Variants in EPB41L4B observed in about 807,000 individuals in gnomAD.
EPB41L4B encodes the protein erythrocyte membrane protein band 4.1 like 4B.
In EPB41L4B, 30 loss-of-function variants were observed where a neutral mutation model predicts 112.5. The observed-to-expected ratio is 0.27, with a 90% confidence interval of 0.20 to 0.36. The LOEUF is 0.36. EPB41L4B is among the 10% of genes least tolerant of loss of function. EPB41L4B has a pLI of 1.00. For synonymous variants in EPB41L4B, 408 were observed against 439.7 expected, an observed-to-expected ratio of 0.93 and a Z score of 0.90; for missense variants, 1,024 against 1,133.3, an observed-to-expected ratio of 0.90 and a Z score of 1.38.
chr9:109,212,178 T>C (rs1259688650), intron 17 of EPB41L4B, among the ~76,000 whole-genome samples: 1 of 152,186 alleles, frequency 6.6e-6, no homozygotes, highest in African/African-American at 2.4e-5. Context: ...ACTATAGAGC[T>C]TGTGAGTTCT....
intron 1 of EPB41L4B, among the ~76,000 whole-genome samples, chr9:109,285,918 G>A (rs375048197): frequency 2.5e-3 from 380 of 152,144 alleles, no homozygotes; most frequent in Non-Finnish European, 4.6e-3. Context: ...CAGCATTCCC[G>A]TAAGCAGGTG....
chr9:109,205,535 C>T (rs1041051620), intron 18 of EPB41L4B, among the ~76,000 whole-genome samples: 1 of 152,100 alleles, frequency 6.6e-6, no homozygotes, highest in African/African-American at 2.4e-5. Flanking sequence ...AAATGGCATA[C>T]CTGAAATCAA....
rs762038540 is a variant in EPB41L4B at position 109,258,180 on chromosome 9, C to A, written c.749G>T (p.Cys250Phe). 2 of 1,612,912 alleles carry A rather than the reference C, an allele frequency of 1.2e-6. No individual in the cohort carries two copies. The highest frequency in any genetic ancestry group is 1.7e-6 in the Non-Finnish European group (2 of 1,179,122). ...CTAGACGGTTGCATCAAGGTACCTG[C>A]ACTCTTTCCATCTCTGGAAGATATC... ...EFDIFQRWKECRGKSPAQAEL... is the reference protein window; with the variant it reads ...EFDIFQRWKEFRGKSPAQAEL... Residue 250 changes from cysteine (C) to phenylalanine (F), a missense_variant, in exon 7 of 26, where the codon TGC (cysteine) becomes TTC (phenylalanine). By Grantham distance (205) the Cys-to-Phe change is radical (BLOSUM62 -2). Coordinates refer to ENST00000374566, the MANE Select transcript of EPB41L4B (RefSeq NM_019114.5).
intron 1 of EPB41L4B, among the ~76,000 whole-genome samples, chr9:109,319,617 C>G (rs892338363): frequency 1.3e-5 from 2 of 152,254 alleles, no homozygotes; most frequent in Non-Finnish European, 2.9e-5. Context: ...GCCTCCCAAA[C>G]TTGGGGCGCC....
chr9:109,219,671 ATAAAAATTAAC>A (rs1332400702), intron 15 of EPB41L4B, among the ~76,000 whole-genome samples: 10 of 152,240 alleles, frequency 6.6e-5, no homozygotes, highest in African/African-American at 1.9e-4. Flanking sequence ...TCCATTTTCT[ATAAAAATTAAC>A]TAAAAATTAA....
intron 15 of EPB41L4B, among the ~76,000 whole-genome samples, chr9:109,218,627 C>G (rs1833470986): frequency 6.6e-6 from 1 of 152,042 alleles, no homozygotes; most frequent in Non-Finnish European, 1.5e-5. Flanking sequence ...GCACCTCCCC[C>G]CGCCCCCAGT....
At chr9:109,259,084 G>C (rs867280431) in intron 6 of EPB41L4B, among the ~76,000 whole-genome samples, 1 of 152,098 alleles carries the variant, frequency 6.6e-6, no homozygotes, top group African/African-American at 2.4e-5. Flanking sequence ...ATCCTCTAGA[G>C]TTCCCTCTAA....
intron 20 of EPB41L4B, among the ~76,000 whole-genome samples, chr9:109,198,768 G>A (rs1832727940): frequency 2.0e-5 from 3 of 151,934 alleles, no homozygotes. Context: ...AAATTAGCTG[G>A]GTGTGGTGGC....
chr9:109,252,891 C>G (rs865779048), intron 12 of EPB41L4B, among the ~76,000 whole-genome samples: 46 of 152,024 alleles, frequency 3.0e-4, no homozygotes, highest in African/African-American at 1.1e-3. Context: ...AGGTATGAGG[C>G]CCCAGCTGTA....
intron 1 of EPB41L4B, among the ~76,000 whole-genome samples, chr9:109,314,552 C>A (rs1008956567): frequency 4.6e-5 from 7 of 151,860 alleles, no homozygotes; most frequent in African/African-American, 1.7e-4. Flanking sequence ...ACTGACAAAT[C>A]CAGCAAGTAT....
intron 1 of EPB41L4B, among the ~76,000 whole-genome samples, chr9:109,286,924 A>G (rs1836308461): frequency 1.3e-5 from 2 of 152,220 alleles, no homozygotes; most frequent in Non-Finnish European, 2.9e-5. Context: ...CAAACACAGT[A>G]GACTCCAGAG....
chr9:109,295,502 T>C (rs548902014), intron 1 of EPB41L4B, among the ~76,000 whole-genome samples: 1 of 152,110 alleles, frequency 6.6e-6, no homozygotes, highest in Non-Finnish European at 1.5e-5. Context: ...CACAAGAACA[T>C]AGGAATGTTC....
intron 1 of EPB41L4B, among the ~76,000 whole-genome samples, chr9:109,299,094 T>A (rs1178906871): frequency 1.3e-5 from 2 of 152,062 alleles, no homozygotes; most frequent in Non-Finnish European, 2.9e-5. Flanking sequence ...ACGAGCGAAG[T>A]GGGTTATGAG....
At chr9:109,206,570 C>T (rs1832998971) in intron 18 of EPB41L4B, among the ~76,000 whole-genome samples, 1 of 152,222 alleles carries the variant, frequency 6.6e-6, no homozygotes, top group Non-Finnish European at 1.5e-5. Context: ...AAGTGGGCTT[C>T]CACCTGAGTG....
chr9:109,313,512 CCTGGG>C (rs1588241443), intron 1 of EPB41L4B, among the ~76,000 whole-genome samples: 1 of 152,218 alleles, frequency 6.6e-6, no homozygotes, highest in East Asian at 1.9e-4. Flanking sequence ...TCACAGGCAT[CCTGGG>C]CTGGCGAGAG....
chr9:109,222,267 G>A (rs966223670), intron 15 of EPB41L4B, among the ~76,000 whole-genome samples: 1 of 152,146 alleles, frequency 6.6e-6, no homozygotes, highest in Non-Finnish European at 1.5e-5. Flanking sequence ...GCCTGAAGCC[G>A]CCTGAATCTG....
In EPB41L4B at chr9:109,273,357, C is replaced by CT. The variant is rs1490721327; in HGVS notation, c.412-4925dup. Among the ~76,000 whole-genome samples, 13 of 152,230 alleles carry CT rather than the reference C, an allele frequency of 8.5e-5. No individual in the cohort carries two copies. The East Asian group carries it at 2.5e-3, about 29-fold the overall frequency. ...TGCCTCCTGGGTTCAAGTGATTCTC[C>CT]TGCCTCGGCCTCCCGAGTAGCTGGG... On this transcript the variant is annotated intron_variant, in intron 2 of 25. Transcript: ENST00000374566.
chr9:109,222,399 TG>T (rs1349067205), intron 15 of EPB41L4B, among the ~76,000 whole-genome samples: 1 of 152,190 alleles, frequency 6.6e-6, no homozygotes. Context: ...AGAAGTTTTG[TG>T]GGGTTGCTCA....
chr9:109,320,629 G>T lies in EPB41L4B; in HGVS notation c.-183C>A. The T allele has an allele frequency of 6.2e-6, 1 of 161,366 alleles. No homozygotes were observed. The highest frequency in any genetic ancestry group is 1.8e-4 in the South Asian group (1 of 5,442). 10.0% of individuals were successfully genotyped at this position (161,366 alleles called of 1,614,324 possible). A position where few individuals can be genotyped will look rare whatever the true frequency, so the allele number is the denominator to read the frequency against. On this transcript the variant is annotated 5_prime_UTR_variant, in exon 1 of 26. Transcript: ENST00000374566. ...GGCCGAGGCCGCGCTCTAGCCGCCT[G>T]CGGGGCGCGCCGGCCCGGCCAGCGC... is the stretch of plus-strand genomic sequence containing the variant.
Sources: allele counts gnomAD v4.1 joint callset (sites outside exome capture counted in the v4.1 genomes callset), GRCh38; gene constraint gnomAD v4.1.1; transcripts MANE v1.5; gene names NCBI Gene and HGNC (gene_info 2026-07-23, HGNC 2026-07-21).